PLA2G4A: variants seen among roughly 807,000 people sequenced by gnomAD.
PLA2G4A encodes phospholipase A2 group IVA, also known as cytosolic phospholipase A2.
Under a neutral mutation model 81.9 loss-of-function variants are expected in PLA2G4A, and 40 were observed. That is an observed-to-expected ratio of 0.49 (90% CI 0.38 to 0.64). The LOEUF (loss-of-function observed/expected upper bound fraction) is 0.64, where lower values mean the gene tolerates loss of function less well. Ranked by LOEUF, PLA2G4A falls within the 30% of genes least tolerant of loss-of-function variation. The probability of loss-of-function intolerance (pLI) is 0.00; values close to 1 mark genes in which losing one functional copy is unlikely to be tolerated. For synonymous variants in PLA2G4A, 302 were observed against 296.9 expected (o/e 1.02, Z -0.18); for missense variants, 715 against 905.1 (o/e 0.79, Z 2.69).
intron 3 of PLA2G4A, among the ~76,000 whole-genome samples, chr1:186,872,877 C>T (rs975012151): frequency 6.6e-6 from 1 of 152,096 alleles, no homozygotes; most frequent in Non-Finnish European, 1.5e-5. Flanking sequence ...ATTTTAGAAG[C>T]TTCCTTTTTA....
intron 17 of PLA2G4A, among the ~76,000 whole-genome samples, chr1:186,984,973 G>A (rs1179469511): frequency 6.6e-6 from 1 of 152,130 alleles, no homozygotes; most frequent in South Asian, 2.1e-4. Flanking sequence ...TGGAAGTCAC[G>A]ATGATGTGGG....
At chr1:186,933,122 T>C (rs926940674) in intron 8 of PLA2G4A, among the ~76,000 whole-genome samples, 2 of 152,186 alleles carry the variant, frequency 1.3e-5, no homozygotes, top group African/African-American at 4.8e-5. Context: ...AGCCACTTTG[T>C]AACTTAAAAT....
chr1:186,871,364 CATCTT>C (rs1653261556), intron 3 of PLA2G4A, among the ~76,000 whole-genome samples: 1 of 152,104 alleles, frequency 6.6e-6, no homozygotes, highest in Non-Finnish European at 1.5e-5. Context: ...AATTTGATAA[CATCTT>C]AGATTTAATA....
chr1:186,934,580 T>A (rs1444473944), intron 8 of PLA2G4A, among the ~76,000 whole-genome samples: 1 of 151,354 alleles, frequency 6.6e-6, no homozygotes, highest in Non-Finnish European at 1.5e-5. Flanking sequence ...ATACTTCTAC[T>A]CTATCTTTCA....
chr1:186,988,522 A>G lies in PLA2G4A; in HGVS notation c.*14A>G. Reference sequence around the variant, plus strand: ...CCCAAAGCATAGTTCATGTACTGGAAATGGCAGCAGTTTCTGATGCTGAGG... The same window carrying G: ...CCCAAAGCATAGTTCATGTACTGGAGATGGCAGCAGTTTCTGATGCTGAGG... On this transcript the variant is annotated 3_prime_UTR_variant, in exon 18 of 18. Transcript: ENST00000367466. 6.2e-7 allele frequency: 1 copy of G among 1,608,864 alleles called. No individual in the cohort carries two copies. The highest frequency in any genetic ancestry group is 1.1e-5 in the South Asian group (1 of 90,856).
At chr1:186,869,152 T>C (rs1355041921) in intron 2 of PLA2G4A, among the ~76,000 whole-genome samples, 1 of 152,140 alleles carries the variant, frequency 6.6e-6, no homozygotes, top group Non-Finnish European at 1.5e-5. Flanking sequence ...TCTTTTTTAA[T>C]ATATGCATTC....
At chr1:186,923,225 A>G (rs1440620054) in intron 7 of PLA2G4A, among the ~76,000 whole-genome samples, 1 of 152,182 alleles carries the variant, frequency 6.6e-6, no homozygotes, top group African/African-American at 2.4e-5. Context: ...GTGGTTGTTT[A>G]TCATGTCAGG....
intron 3 of PLA2G4A, among the ~76,000 whole-genome samples, chr1:186,889,358 G>T (rs1654052288): frequency 6.6e-6 from 1 of 152,182 alleles, no homozygotes; most frequent in African/African-American, 2.4e-5. Context: ...CTACAGATAT[G>T]CAGACAATGG....
Position 186,911,276 on chromosome 1 carries a change from G to T in PLA2G4A, c.445G>T (p.Ala149Ser). 1 of 1,612,346 alleles carries T rather than the reference G, an allele frequency of 6.2e-7. No individual in the cohort carries two copies. The change falls in exon 7 of 18, where the codon GCT (alanine) becomes TCT (serine). Residue 149 changes from alanine (A) to serine (S), a missense_variant. Physicochemically the swap from Ala to Ser is moderately conservative, Grantham distance 99 (BLOSUM62 1). Transcript: ENST00000367466. ...ATGCCCAGACCTACGATTTAGTATG[G>T]CTCTGTGTGATCAGGAGAAGACTTT... ...CSCPDLRFSM[A>S]LCDQEKTFRQ...
At chr1:186,845,569 C>T (rs35641837) in intron 1 of PLA2G4A, among the ~76,000 whole-genome samples, 11,472 of 152,098 alleles carry the variant, frequency 0.075, 1,497 homozygotes, top group African/African-American at 0.26. Context: ...TATCTCCACG[C>T]GTCTATACAA....
At chr1:186,887,227 G>A (rs986180066) in intron 3 of PLA2G4A, among the ~76,000 whole-genome samples, 1 of 151,822 alleles carries the variant, frequency 6.6e-6, no homozygotes, top group African/African-American at 2.4e-5. Context: ...CAAATTACTT[G>A]TAATCTGTTT....
At chr1:186,973,413 A>G (rs1173633512) in intron 15 of PLA2G4A, among the ~76,000 whole-genome samples, 1 of 152,206 alleles carries the variant, frequency 6.6e-6, no homozygotes, top group Non-Finnish European at 1.5e-5. Flanking sequence ...TACGTAATCC[A>G]AGATGATCTA....
At chr1:186,854,251 A>G in intron 1 of PLA2G4A, 35 bp from the exon 2 acceptor site, 1 of 757,088 alleles carries the variant, frequency 1.3e-6, no homozygotes, top group East Asian at 2.5e-5. Context: ...TGCATCCAAG[A>G]GGAAGCTTAA....
At chr1:186,949,185 T>C (rs1480535616) in intron 12 of PLA2G4A, among the ~76,000 whole-genome samples, 1 of 151,898 alleles carries the variant, frequency 6.6e-6, no homozygotes, top group Admixed American at 6.6e-5. Context: ...TATCGTGAAT[T>C]CTTCCTTACA....
chr1:186,919,550 A>G (rs1430247199), intron 7 of PLA2G4A, among the ~76,000 whole-genome samples: 1 of 152,108 alleles, frequency 6.6e-6, no homozygotes, highest in East Asian at 1.9e-4. Flanking sequence ...CTTTGGCAGG[A>G]AATTTTTGTA....
intron 3 of PLA2G4A, among the ~76,000 whole-genome samples, chr1:186,873,321 T>C (rs1306561743): frequency 3.3e-5 from 5 of 152,076 alleles, no homozygotes; most frequent in Non-Finnish European, 7.4e-5. Context: ...GGGGTGTTTG[T>C]ATATAGCAGT....
At chr1:186,893,918 C>CAAAAA (rs35114616) in intron 4 of PLA2G4A, among the ~76,000 whole-genome samples, 180 bp from the exon 5 acceptor site, 1 of 118,290 alleles carries the variant, frequency 8.5e-6, no homozygotes, top group African/African-American at 3.5e-5. Flanking sequence ...GACCCTGTCT[C>CAAAAA]AAAAAAAAAA....
chr1:186,932,301 T>TC (rs71104897), intron 7 of PLA2G4A, among the ~76,000 whole-genome samples: 6 of 151,200 alleles, frequency 4.0e-5, no homozygotes, highest in Admixed American at 3.9e-4. Context: ...TTTCTTTTTT[T>TC]TTTTTTCTTT....
Position 186,833,379 on chromosome 1 carries a change from G to A in PLA2G4A, c.-70+4344G>A, listed in dbSNP as rs374688644. 1.1e-4 allele frequency among the ~76,000 whole-genome samples: 17 copies of A among 152,238 alleles called. No homozygotes were observed. The East Asian group carries it at 2.9e-3, about 26-fold the overall frequency. ...ACCGCACTCATGCCTGGGTGATAGA[G>A]CAAGATTTTGTTTCTTATTAAAAAG... On this transcript the variant is annotated intron_variant, in intron 1 of 17. Transcript: ENST00000367466.
Sources: gnomAD v4.1 joint callset for allele counts (sites outside exome capture counted in the v4.1 genomes callset) on GRCh38, gnomAD v4.1.1 for gene constraint, MANE v1.5 for transcripts, NCBI Gene and HGNC (gene_info 2026-07-23, HGNC 2026-07-21) for gene names.